The following STUM variants were observed in gnomAD, a reference collection of about 807,000 sequenced individuals.
The protein encoded by STUM is protein stum homolog.
Under a neutral mutation model 15.3 loss-of-function variants are expected in STUM, and 8 were observed. That is an observed-to-expected ratio of 0.52 (90% CI 0.31 to 0.94). The LOEUF is 0.94. STUM is among the 40% of genes least tolerant of loss of function. The pLI is 0.05. For missense variants in STUM, 142 were observed against 204.9 expected, an observed-to-expected ratio of 0.69 and a Z score of 1.87; for synonymous variants, 78 against 88.7, an observed-to-expected ratio of 0.88 and a Z score of 0.68.
chr1:226,592,200 A>G (rs938806812), intron 1 of STUM, among the ~76,000 whole-genome samples: 13 of 152,242 alleles, frequency 8.5e-5, no homozygotes, highest in South Asian at 6.2e-4. Flanking sequence ...GGCGTGCACC[A>G]CCACACCCAG....
chr1:226,577,691 G>A (rs562486872), intron 1 of STUM, among the ~76,000 whole-genome samples: 18 of 152,330 alleles, frequency 1.2e-4, no homozygotes, highest in African/African-American at 4.8e-5. Context: ...AAAGGGAGGG[G>A]GGGCCAGCAG....
At chr1:226,595,076 A>G (rs1668158209) in intron 1 of STUM, among the ~76,000 whole-genome samples, 1 of 152,244 alleles carries the variant, frequency 6.6e-6, no homozygotes, top group African/African-American at 2.4e-5. Flanking sequence ...AGCAGGCAGC[A>G]TGGCACAGTC....
chr1:226,571,426 G>A (rs182482131), intron 1 of STUM, among the ~76,000 whole-genome samples: 2 of 152,226 alleles, frequency 1.3e-5, no homozygotes, highest in East Asian at 3.9e-4. Flanking sequence ...GAATATCTAT[G>A]GTTTCCTGCT....
At chr1:226,599,882 C>T (rs1668239541) in intron 2 of STUM, among the ~76,000 whole-genome samples, 1 of 152,220 alleles carries the variant, frequency 6.6e-6, no homozygotes, top group African/African-American at 2.4e-5. Flanking sequence ...TTCAGGCAGT[C>T]ACTACTAATT....
intron 2 of STUM, among the ~76,000 whole-genome samples, chr1:226,599,200 C>G (rs1020292982): frequency 6.6e-6 from 1 of 152,166 alleles, no homozygotes; most frequent in Non-Finnish European, 1.5e-5. Context: ...GGTGGGGACA[C>G]AGCCAAACCA....
chr1:226,596,805 C>T lies in STUM; in HGVS notation c.206C>T (p.Thr69Ile). The change falls in exon 2 of 4, where the codon ACA (threonine) becomes ATA (isoleucine). Residue 69 changes from threonine to isoleucine, a missense_variant. This residue lies in a region of STUM where 113 missense variants were observed against 134.4 expected (regional missense o/e 0.84). Transcript: ENST00000366788. ...FLNTFVPGLG[T>I]FVSAFTVLCG... The stretch of plus-strand genomic sequence containing the variant: ...TGTCCCCTCTGGCCTCTCACAGGGA[C>T]ATTCGTCTCGGCCTTCACTGTGCTG... The T allele has an allele frequency of 6.2e-7, 1 of 1,609,794 alleles. No individual in the cohort carries two copies. The highest frequency in any genetic ancestry group is 8.5e-7 in the Non-Finnish European group (1 of 1,176,560).
rs1571817290 is a variant in STUM, at chr1:226,603,686, TC to T, written c.*1648del. 6.6e-6 allele frequency: 1 copy of T among 152,400 alleles called. No homozygotes were observed. Among genetic ancestry groups the T allele is most frequent in the East Asian group, 1.9e-4 (1 of 5,182 alleles). The allele number at this position is 152,400 out of a possible 1,614,324, so 9.4% of individuals were successfully genotyped here. A position where few individuals can be genotyped will look rare whatever the true frequency, so the allele number is the denominator to read the frequency against. The stretch of plus-strand genomic sequence containing the variant: ...CATCCACCGGGCTTTCTAATCACAG[TC>T]CTGCCTGAGAAGCGGGCCCTGCTGC... On this transcript the variant is annotated 3_prime_UTR_variant, in exon 4 of 4. Coordinates refer to ENST00000366788, the MANE Select transcript of STUM (RefSeq NM_001003665.4).
intron 1 of STUM, among the ~76,000 whole-genome samples, chr1:226,575,299 C>T (rs1259397193): frequency 6.6e-6 from 1 of 152,236 alleles, no homozygotes; most frequent in African/African-American, 2.4e-5. Flanking sequence ...CCCTATTGCA[C>T]AGATAGATAG....
At chr1:226,578,360 T>C (rs1170448903) in intron 1 of STUM, among the ~76,000 whole-genome samples, 4 of 16,354 alleles carry the variant, frequency 2.4e-4, no homozygotes, top group African/African-American at 1.3e-3. Context: ...AACCCCCAGC[T>C]TTTTTTTTTT....
chr1:226,600,492 G>A lies in STUM; in HGVS notation c.383-174G>A, dbSNP rs2102714211. ...ATGAGTACTGAGCACTCCCTGCCTGGGGATGGCGTCTGAGAAGCCACTGGC... is the reference window on the plus strand; with the variant it reads ...ATGAGTACTGAGCACTCCCTGCCTGAGGATGGCGTCTGAGAAGCCACTGGC... On this transcript the variant is annotated intron_variant, in intron 2 of 3. Transcript: ENST00000366788. This position sits in a 1 kb window ranked among gnomAD's most constrained non-coding sequence, Gnocchi z 5.2. 1.4e-6 allele frequency: 1 copy of A among 718,112 alleles called. No individual in the cohort carries two copies. The highest frequency in any genetic ancestry group is 1.7e-5 in the South Asian group (1 of 59,196). The allele number at this position is 718,112 out of a possible 1,614,324, so 44.5% of individuals were successfully genotyped here.
intron 1 of STUM, among the ~76,000 whole-genome samples, chr1:226,583,525 T>C (rs1273925651): frequency 6.6e-6 from 1 of 152,216 alleles, no homozygotes; most frequent in African/African-American, 2.4e-5. Context: ...ATGTCTATCC[T>C]ACAGGACAGC....
Position 226,607,356 on chromosome 1 carries a change from CGTTCCCTT to C in STUM, c.*5319_*5326del, listed in dbSNP as rs1435563142. 6.6e-6 allele frequency: 1 copy of C among 152,284 alleles called. No individual in the cohort carries two copies. The highest frequency in any genetic ancestry group is 1.5e-5 in the Non-Finnish European group (1 of 68,098). The allele number at this position is 152,284 out of a possible 1,614,324, so 9.4% of individuals were successfully genotyped here. On this transcript the variant is annotated 3_prime_UTR_variant, in exon 4 of 4. Coordinates refer to ENST00000366788, the MANE Select transcript of STUM (RefSeq NM_001003665.4). ...CCAACCAGAGGGATTCTTCCCCAAA[CGTTCCCTT>C]GTGGCCCAAGAGTGAGTTCCGGCCT...
At chr1:226,583,122 G>C (rs1212455721) in intron 1 of STUM, among the ~76,000 whole-genome samples, 1 of 152,190 alleles carries the variant, frequency 6.6e-6, no homozygotes, top group Non-Finnish European at 1.5e-5. Context: ...CCTCAGCTCA[G>C]GAGTGGCACA....
intron 1 of STUM, among the ~76,000 whole-genome samples, chr1:226,559,973 CAAAA>C (rs61708964): frequency 7.1e-6 from 1 of 141,254 alleles, no homozygotes; most frequent in African/African-American, 2.7e-5. Context: ...GACTCCGTCT[CAAAA>C]AAAAAAAAAA....
chr1:226,572,466 C>T (rs1428070871), intron 1 of STUM, among the ~76,000 whole-genome samples: 4 of 152,172 alleles, frequency 2.6e-5, no homozygotes, highest in Non-Finnish European at 2.9e-5. Context: ...CAGCCCTGTG[C>T]GGCTGGATGC....
Position 226,600,513 on chromosome 1 carries a change from C to A in STUM, c.383-153C>A. ...CCTGGGGATGGCGTCTGAGAAGCCACTGGCATGGCCCCTGTCCCATCTCCC... is the reference window on the plus strand; with the variant it reads ...CCTGGGGATGGCGTCTGAGAAGCCAATGGCATGGCCCCTGTCCCATCTCCC... On this transcript the variant is annotated intron_variant, in intron 2 of 3. Coordinates refer to ENST00000366788, the MANE Select transcript of STUM (RefSeq NM_001003665.4). This position sits in a 1 kb window ranked among gnomAD's most constrained non-coding sequence, Gnocchi z 5.2. 1.1e-6 allele frequency: 1 copy of A among 880,898 alleles called. No homozygotes were observed. Among genetic ancestry groups the A allele is most frequent in the Non-Finnish European group, 1.8e-6 (1 of 553,902 alleles). The allele number at this position is 880,898 out of a possible 1,614,324, so 54.6% of individuals were successfully genotyped here. A position where few individuals can be genotyped will look rare whatever the true frequency, so the allele number is the denominator to read the frequency against.
intron 1 of STUM, among the ~76,000 whole-genome samples, chr1:226,568,135 C>T (rs1667652295): frequency 6.6e-6 from 1 of 152,252 alleles, no homozygotes; most frequent in Non-Finnish European, 1.5e-5. Flanking sequence ...TCTCACACTT[C>T]ACACCAGTGG....
chr1:226,597,798 C>T (rs907108815), intron 2 of STUM, among the ~76,000 whole-genome samples: 4 of 152,186 alleles, frequency 2.6e-5, no homozygotes, highest in African/African-American at 7.2e-5. Flanking sequence ...ATGGGCTGCC[C>T]GGAAGTGGCT....
At position 226,596,244 on chromosome 1, in the gene STUM, G is replaced by A. The variant is rs535027114; in HGVS notation, c.203-558G>A. Among the ~76,000 whole-genome samples, 52 of 148,486 alleles carry A rather than the reference G, an allele frequency of 3.5e-4. No individual in the cohort carries two copies. In the South Asian group the frequency reaches 8.7e-3, roughly 25 times the overall value. ...CTCTGGGACACCTGTCCTAGTCTGC[G>A]CCCTCTACACTGCACAGTGTACTAC... is the stretch of plus-strand genomic sequence containing the variant. On this transcript the variant is annotated intron_variant, in intron 1 of 3. Transcript: ENST00000366788.
Sources: allele counts gnomAD v4.1 joint callset (sites outside exome capture counted in the v4.1 genomes callset), GRCh38; gene constraint gnomAD v4.1.1; regional missense constraint gnomAD v4.1.1; non-coding constraint Gnocchi (gnomAD v3.1); transcripts MANE v1.5; gene names NCBI Gene and HGNC (gene_info 2026-07-23, HGNC 2026-07-21).